The following CDH11 variants were observed in gnomAD, a reference collection of about 807,000 sequenced individuals.
CDH11 encodes the protein cadherin 11, also known as cadherin-11.
A neutral mutation model predicts 67.8 loss-of-function variants in CDH11; 11 were observed. The ratio of observed to expected loss-of-function variants is 0.16; its 90% confidence interval spans 0.10 to 0.27. The LOEUF is 0.27. Among genes scored for constraint, CDH11 ranks in the 10% least tolerant of loss-of-function variants. CDH11 has a pLI of 1.00. For synonymous variants in CDH11, 419 were observed against 400.0 expected (o/e 1.05, Z -0.57); for missense variants, 847 against 1,031.2 (o/e 0.82, Z 2.45).
chr16:64,959,318 A>G (rs976748429), intron 11 of CDH11, among the ~76,000 whole-genome samples: 2 of 152,248 alleles, frequency 1.3e-5, no homozygotes, highest in East Asian at 1.9e-4. Flanking sequence ...CTTAAAATCA[A>G]CTCTGCTTTC....
chr16:65,122,069 G>C, upstream of CDH11: 1 of 573,262 alleles, frequency 1.7e-6, no homozygotes, highest in Non-Finnish European at 3.1e-6. Context: ...GGAATGAGCC[G>C]CCGAGCGCGC....
chr16:65,014,712 G>A (rs370485814), intron 2 of CDH11, among the ~76,000 whole-genome samples: 1 of 148,124 alleles, frequency 6.8e-6, no homozygotes, highest in East Asian at 2.0e-4. Context: ...TTCTTGAAAC[G>A]ACGCAGATGT....
chr16:65,049,752 A>G (rs768826711), intron 2 of CDH11, among the ~76,000 whole-genome samples: 24 of 152,166 alleles, frequency 1.6e-4, no homozygotes, highest in Non-Finnish European at 3.1e-4. Context: ...TACACATTGA[A>G]GAGCTACAAT....
intron 2 of CDH11, among the ~76,000 whole-genome samples, chr16:65,052,610 C>T (rs1399452301): frequency 6.6e-6 from 1 of 151,954 alleles, no homozygotes. Flanking sequence ...TTAAAGGATC[C>T]TAGAAGCTTG....
chr16:65,067,605 TG>T (rs2074335872), intron 1 of CDH11, among the ~76,000 whole-genome samples: 1 of 152,178 alleles, frequency 6.6e-6, no homozygotes, highest in Non-Finnish European at 1.5e-5. Flanking sequence ...GCTCATTCAT[TG>T]TTTTTACTTT....
intron 1 of CDH11, among the ~76,000 whole-genome samples, chr16:65,103,570 T>A (rs913094909): frequency 1.3e-5 from 2 of 152,202 alleles, no homozygotes; most frequent in South Asian, 4.1e-4. Context: ...GATGGTAGTA[T>A]AGGATTATTT....
intron 1 of CDH11, among the ~76,000 whole-genome samples, chr16:65,077,175 C>T (rs1397440943): frequency 2.0e-5 from 3 of 152,306 alleles, no homozygotes; most frequent in Admixed American, 1.3e-4. Context: ...AGTAAAGATA[C>T]CTGCATGTCT....
At chr16:64,958,937 C>A (rs959778727) in intron 11 of CDH11, among the ~76,000 whole-genome samples, 1 of 152,112 alleles carries the variant, frequency 6.6e-6, no homozygotes, top group African/African-American at 2.4e-5. Flanking sequence ...CAAACATACA[C>A]CCTTCACAAA....
At chr16:65,024,742 C>T (rs2073498179) in intron 2 of CDH11, among the ~76,000 whole-genome samples, 2 of 152,200 alleles carry the variant, frequency 1.3e-5, no homozygotes, top group South Asian at 4.1e-4. Context: ...GCCACTAACT[C>T]ATTGTGTAAT....
intron 1 of CDH11, among the ~76,000 whole-genome samples, chr16:65,081,412 C>CA (rs1015290670): frequency 2.0e-5 from 3 of 151,990 alleles, no homozygotes; most frequent in Non-Finnish European, 4.4e-5. Flanking sequence ...ACCAAAAATA[C>CA]AAAAAAATTA....
chr16:65,031,136 C>T lies in CDH11; in HGVS notation c.-173+22668G>A, dbSNP rs148946390. ...TAATTTATATTAGGAGCATGTACCA[C>T]GCTGGATTAGTGGGTAACTTTCAAG... On this transcript the variant is annotated intron_variant, in intron 2 of 12. Coordinates refer to ENST00000268603, the MANE Select transcript of CDH11 (RefSeq NM_001797.4). Among the ~76,000 whole-genome samples, 94 of 152,316 alleles carry T rather than the reference C, an allele frequency of 6.2e-4. 1 individual carries two copies. The East Asian group carries it at 0.013, about 21-fold the overall frequency.
At chr16:64,954,953 A>T (rs916463804) in intron 11 of CDH11, among the ~76,000 whole-genome samples, 38 of 151,876 alleles carry the variant, frequency 2.5e-4, no homozygotes, top group African/African-American at 8.7e-4. Flanking sequence ...AAAAATAAAA[A>T]AAAAAAAAAA....
chr16:65,053,247 C>T (rs1472196324), intron 2 of CDH11, among the ~76,000 whole-genome samples: 1 of 152,116 alleles, frequency 6.6e-6, no homozygotes, highest in Non-Finnish European at 1.5e-5. Context: ...GTTAGAAATC[C>T]TAGGTCCAGC....
chr16:64,960,472 CAG>C (rs1277027093), intron 11 of CDH11, among the ~76,000 whole-genome samples: 1 of 151,978 alleles, frequency 6.6e-6, no homozygotes, highest in Non-Finnish European at 1.5e-5. Flanking sequence ...GGTTAGAATT[CAG>C]AGTGATAAGA....
intron 5 of CDH11, among the ~76,000 whole-genome samples, chr16:64,992,438 T>C (rs778791934): frequency 3.3e-5 from 5 of 152,250 alleles, no homozygotes; most frequent in Non-Finnish European, 5.9e-5. Flanking sequence ...ACAATGCTCA[T>C]ATAAGCACAT....
intron 11 of CDH11, among the ~76,000 whole-genome samples, chr16:64,968,891 G>A (rs1399230141): frequency 1.3e-5 from 2 of 152,148 alleles, no homozygotes; most frequent in African/African-American, 4.8e-5. Context: ...TTACTTTTAG[G>A]AGCTAGTAGA....
intron 1 of CDH11, among the ~76,000 whole-genome samples, chr16:65,069,536 G>A (rs1043598125): frequency 2.0e-5 from 3 of 152,032 alleles, no homozygotes; most frequent in Non-Finnish European, 4.4e-5. Context: ...GTGAGCTTGG[G>A]TACAAATACC....
intron 2 of CDH11, among the ~76,000 whole-genome samples, chr16:65,025,009 A>G (rs895369118): frequency 6.6e-6 from 1 of 152,214 alleles, no homozygotes; most frequent in Non-Finnish European, 1.5e-5. Flanking sequence ...CTTGATAACC[A>G]ACAGACTCCC....
intron 1 of CDH11, among the ~76,000 whole-genome samples, chr16:65,075,343 C>G (rs2074491036): frequency 6.6e-6 from 1 of 152,214 alleles, no homozygotes; most frequent in African/African-American, 2.4e-5. Context: ...TCAGACAACA[C>G]TGTCCTAAAG....
Sources: gnomAD v4.1 joint callset for allele counts (sites outside exome capture counted in the v4.1 genomes callset) on GRCh38, gnomAD v4.1.1 for gene constraint, MANE v1.5 for transcripts, NCBI Gene and HGNC (gene_info 2026-07-23, HGNC 2026-07-21) for gene names.